The following PDIA5 variants were observed in gnomAD, a reference collection of about 807,000 sequenced individuals.
The protein encoded by PDIA5 is protein disulfide isomerase family A member 5.
PDIA5 carries 58 observed loss-of-function variants against 77.6 expected under a neutral mutation model. That is an observed-to-expected ratio of 0.75 (90% CI 0.61 to 0.93). PDIA5 has a LOEUF of 0.93. Among genes scored for constraint, PDIA5 ranks in the 40% least tolerant of loss-of-function variants. The pLI is 0.00. For synonymous variants in PDIA5, 250 were observed against 252.1 expected, an observed-to-expected ratio of 0.99 and a Z score of 0.08; for missense variants, 630 against 647.7, an observed-to-expected ratio of 0.97 and a Z score of 0.30.
At chr3:123,137,350 G>A (rs1560546353) in intron 11 of PDIA5, among the ~76,000 whole-genome samples, 1 of 152,112 alleles carries the variant, frequency 6.6e-6, no homozygotes, top group Non-Finnish European at 1.5e-5. Flanking sequence ...TCATTTTTCT[G>A]CTAGGTCTTT....
At chr3:123,104,577 T>A (rs1934686032) in intron 5 of PDIA5, among the ~76,000 whole-genome samples, 1 of 152,150 alleles carries the variant, frequency 6.6e-6, no homozygotes, top group East Asian at 1.9e-4. Context: ...CCTAGAGAGG[T>A]CATAGGCCAG....
chr3:123,089,142 A>G (rs1292311409), intron 1 of PDIA5, 26 bp from the exon 2 acceptor site: 1 of 1,605,670 alleles, frequency 6.2e-7, no homozygotes, highest in Non-Finnish European at 8.5e-7. Context: ...GCTGGAACTC[A>G]CAGTCGTTGG....
intron 10 of PDIA5, among the ~76,000 whole-genome samples, chr3:123,124,617 C>T (rs1935199680): frequency 1.3e-5 from 2 of 152,302 alleles, no homozygotes; most frequent in African/African-American, 4.8e-5. Context: ...CCCTACCTCC[C>T]GTCTCCACGG....
intron 3 of PDIA5, among the ~76,000 whole-genome samples, chr3:123,094,752 G>A (rs1035887379): frequency 1.3e-5 from 2 of 152,256 alleles, no homozygotes; most frequent in African/African-American, 4.8e-5. Flanking sequence ...CCTTGTCACT[G>A]TGAAACAGCA....
intron 5 of PDIA5, among the ~76,000 whole-genome samples, chr3:123,103,504 C>T (rs1934654559): frequency 2.0e-5 from 3 of 152,158 alleles, no homozygotes; most frequent in African/African-American, 7.2e-5. Flanking sequence ...GTTTCCCACA[C>T]GGGGTTGGAC....
chr3:123,132,277 C>T (rs1244049250), intron 11 of PDIA5, among the ~76,000 whole-genome samples: 1 of 152,210 alleles, frequency 6.6e-6, no homozygotes, highest in African/African-American at 2.4e-5. Flanking sequence ...GCCGCCTCCC[C>T]TTCCCCCACA....
At chr3:123,098,928 A>G (rs894003170) in intron 3 of PDIA5, among the ~76,000 whole-genome samples, 2 of 152,204 alleles carry the variant, frequency 1.3e-5, no homozygotes, top group Non-Finnish European at 2.9e-5. Context: ...CAGTAGATCA[A>G]TTAATTGTAC....
chr3:123,099,961 C>A (rs1159834737), intron 3 of PDIA5, among the ~76,000 whole-genome samples: 2 of 152,236 alleles, frequency 1.3e-5, no homozygotes, highest in Non-Finnish European at 1.5e-5. Flanking sequence ...GCAGTGTGAA[C>A]GGAGAGGCAA....
intron 1 of PDIA5, among the ~76,000 whole-genome samples, chr3:123,087,469 GA>G (rs1415792688): frequency 2.9e-5 from 4 of 138,016 alleles, no homozygotes; most frequent in African/African-American, 8.4e-5. Flanking sequence ...TTTTCTAGGA[GA>G]TTTTTTTTTT....
At chr3:123,091,215 G>A (rs577782706) in intron 2 of PDIA5, among the ~76,000 whole-genome samples, 7 of 152,234 alleles carry the variant, frequency 4.6e-5, no homozygotes, top group East Asian at 3.9e-4. Context: ...TCTCTTGAGC[G>A]ATACTTTTGT....
chr3:123,101,116 A>G (rs1193931475), intron 3 of PDIA5, among the ~76,000 whole-genome samples: 1 of 152,200 alleles, frequency 6.6e-6, no homozygotes, highest in African/African-American at 2.4e-5. Flanking sequence ...GGACTGGTTT[A>G]GGGCACAGGG....
At position 123,145,506 on chromosome 3, in the gene PDIA5, T is replaced by C; in HGVS notation, c.911-16T>C. On this transcript the variant is annotated splice_polypyrimidine_tract_variant and intron_variant, in intron 11 of 16. Coordinates refer to ENST00000316218, the MANE Select transcript of PDIA5 (RefSeq NM_006810.4). ...TCTGTGCCATAAGAATGGTTTCTCT[T>C]GATCTCTCCCCACAGGGTGTGGCCA... The C allele has an allele frequency of 6.2e-7, 1 of 1,611,554 alleles. No individual in the cohort carries two copies. Among genetic ancestry groups the C allele is most frequent in the Non-Finnish European group, 8.5e-7 (1 of 1,177,652 alleles).
At chr3:123,102,916 T>C (rs1934638976) in intron 5 of PDIA5, 120 bp downstream of exon 5, 2 of 721,296 alleles carry the variant, frequency 2.8e-6, no homozygotes, top group Admixed American at 2.0e-5. Context: ...CTAAATGACC[T>C]GAGAGATTCT....
At chr3:123,067,517 G>C in intron 1 of PDIA5, 1 of 351,018 alleles carries the variant, frequency 2.8e-6, no homozygotes, top group African/African-American at 2.1e-5. Flanking sequence ...AGCCGGTCGG[G>C]CAGGACGCCG....
intron 1 of PDIA5, among the ~76,000 whole-genome samples, chr3:123,074,435 A>G (rs1933797690): frequency 1.3e-5 from 2 of 152,244 alleles, no homozygotes; most frequent in African/African-American, 2.4e-5. Flanking sequence ...ATGTTTTTAA[A>G]TGTATAAAGT....
chr3:123,159,137 A>C (rs1055285320), intron 15 of PDIA5, among the ~76,000 whole-genome samples: 2 of 152,386 alleles, frequency 1.3e-5, no homozygotes, highest in East Asian at 1.9e-4. Context: ...AATTTAAAGC[A>C]GATGCAGGGA....
intron 1 of PDIA5, among the ~76,000 whole-genome samples, chr3:123,068,246 G>T (rs567430469): frequency 8.5e-5 from 13 of 152,272 alleles, no homozygotes; most frequent in Admixed American, 4.6e-4. Flanking sequence ...TTTCCATTTG[G>T]GTGTGGCAAG....
At chr3:123,076,833 T>C (rs764273495) in intron 1 of PDIA5, among the ~76,000 whole-genome samples, 1 of 152,210 alleles carries the variant, frequency 6.6e-6, no homozygotes, top group African/African-American at 2.4e-5. Flanking sequence ...AGAAGAGGTT[T>C]TCCAAAACAT....
At chr3:123,115,972 T>G (rs1371430486) in intron 7 of PDIA5, among the ~76,000 whole-genome samples, 5 of 152,240 alleles carry the variant, frequency 3.3e-5, no homozygotes, top group African/African-American at 1.2e-4. Context: ...CATCATGTCA[T>G]GTTTGTTTCT....
Sources: gnomAD v4.1 joint callset for allele counts (sites outside exome capture counted in the v4.1 genomes callset) on GRCh38, gnomAD v4.1.1 for gene constraint, MANE v1.5 for transcripts, NCBI Gene and HGNC (gene_info 2026-07-23, HGNC 2026-07-21) for gene names.